Variants in CLASP1 observed in about 807,000 individuals in gnomAD.
CLASP1 encodes cytoplasmic linker associated protein 1, also known as CLIP-associating protein 1.
A neutral mutation model predicts 192.3 loss-of-function variants in CLASP1; 38 were observed. The ratio of observed to expected loss-of-function variants is 0.20; its 90% CI spans 0.15 to 0.26. The LOEUF (loss-of-function observed/expected upper bound fraction) is 0.26, where lower values mean the gene tolerates loss of function less well. Ranked by LOEUF, CLASP1 falls within the 10% of genes least tolerant of loss-of-function variation. CLASP1 has a pLI of 1.00. For synonymous variants in CLASP1, 691 were observed against 712.8 expected (o/e 0.97, Z 0.49); for missense variants, 1,433 against 1,932.5 (o/e 0.74, Z 4.85).
At chr2:121,352,507 T>C (rs745686789) in intron 37 of CLASP1, among the ~76,000 whole-genome samples, 31 of 152,234 alleles carry the variant, frequency 2.0e-4, no homozygotes, top group Admixed American at 5.9e-4. Context: ...TTCACTTTTT[T>C]ACCCCGACAA....
intron 16 of CLASP1, 74 bp downstream of exon 16, chr2:121,450,839 A>T: frequency 9.0e-7 from 1 of 1,105,676 alleles, no homozygotes; most frequent in Non-Finnish European, 1.3e-6. Context: ...TTAAGTTTTT[A>T]ATAAGGCAAT....
Position 121,425,133 on chromosome 2 carries a change from C to A in CLASP1, c.2212+6G>T. On this transcript the variant is annotated splice_donor_region_variant and intron_variant, in intron 22 of 39. Transcript: ENST00000263710. ...ATGGTATTCCAAGATCTTTGAGAAT[C>A]CTTACCTAATCCTATTCGGTTTGGA... 1 of 1,600,172 alleles carries A rather than the reference C, an allele frequency of 6.2e-7. No individual in the cohort carries two copies. Among genetic ancestry groups the A allele is most frequent in the South Asian group, 1.1e-5 (1 of 88,660 alleles).
intron 27 of CLASP1, 26 bp from the exon 29 acceptor site, chr2:121,401,698 T>C (rs751124523): frequency 4.4e-6 from 7 of 1,591,128 alleles, no homozygotes; most frequent in Non-Finnish European, 5.1e-6. Flanking sequence ...AACCAAGTAG[T>C]TCACATATTG....
At chr2:121,529,930 C>G (rs1296239739) in intron 3 of CLASP1, among the ~76,000 whole-genome samples, 1 of 152,154 alleles carries the variant, frequency 6.6e-6, no homozygotes, top group Non-Finnish European at 1.5e-5. Context: ...CATATTAGAA[C>G]ACGTATTACT....
intron 2 of CLASP1, among the ~76,000 whole-genome samples, chr2:121,595,840 C>A (rs1000736216): frequency 6.6e-6 from 1 of 152,172 alleles, no homozygotes; most frequent in Non-Finnish European, 1.5e-5. Flanking sequence ...AGTATTTGGT[C>A]CCATAATATA....
intron 1 of CLASP1, among the ~76,000 whole-genome samples, chr2:121,636,782 A>G (rs934647525): frequency 6.6e-6 from 1 of 152,228 alleles, no homozygotes; most frequent in Non-Finnish European, 1.5e-5. Context: ...CACACACAAA[A>G]AAGTCCTAAG....
chr2:121,437,852 G>C (rs1315706822), intron 19 of CLASP1, among the ~76,000 whole-genome samples: 3 of 152,156 alleles, frequency 2.0e-5, no homozygotes, highest in Non-Finnish European at 4.4e-5. Context: ...TGACATACCA[G>C]GGCTCCTGCC....
chr2:121,460,441 T>C (rs2087673846), intron 11 of CLASP1, among the ~76,000 whole-genome samples: 1 of 152,164 alleles, frequency 6.6e-6, no homozygotes. Flanking sequence ...TTAAAAACTT[T>C]TGGCTTGTGA....
At position 121,462,614 on chromosome 2, in the gene CLASP1, A is replaced by T; in HGVS notation, c.866-9T>A. On this transcript the variant is annotated splice_polypyrimidine_tract_variant and intron_variant, in intron 9 of 39. Transcript: ENST00000263710. ...AGCTCCTTCTTTTGCAGCTGTAAAA[A>T]AGAATTTTAAAAATGTAAACAATAT... The T allele has an allele frequency of 6.4e-7, 1 of 1,566,898 alleles. No individual in the cohort carries two copies. Among genetic ancestry groups the T allele is most frequent in the Non-Finnish European group, 8.8e-7 (1 of 1,142,746 alleles).
intron 22 of CLASP1, among the ~76,000 whole-genome samples, chr2:121,419,282 C>T (rs1021651101): frequency 6.6e-6 from 1 of 152,196 alleles, no homozygotes; most frequent in African/African-American, 2.4e-5. Flanking sequence ...AGAGTTGACA[C>T]AACCAGAGAG....
chr2:121,627,709 AG>A (rs1409937141), intron 1 of CLASP1, among the ~76,000 whole-genome samples: 1 of 152,224 alleles, frequency 6.6e-6, no homozygotes, highest in African/African-American at 2.4e-5. Context: ...AAACGTGCAG[AG>A]TCATGGACAG....
intron 2 of CLASP1, among the ~76,000 whole-genome samples, chr2:121,531,556 A>AC (rs1280982834): frequency 6.9e-6 from 1 of 145,888 alleles, no homozygotes; most frequent in Non-Finnish European, 1.5e-5. Flanking sequence ...AGATCGCGCC[A>AC]CTGCACTCCA....
chr2:121,503,193 G>C lies in CLASP1; in HGVS notation c.686C>G (p.Ser229Cys), dbSNP rs370412928. Residue 229 changes from serine (S) to cysteine (C), a missense_variant, in exon 8 of 40, where the codon TCT (serine) becomes TGT (cysteine). Physicochemically the swap from Ser to Cys is moderately radical, Grantham distance 112. This residue lies in a region of CLASP1 where 282 missense variants were observed against 359.9 expected (regional missense o/e 0.78). Coordinates refer to ENST00000263710, the Ensembl canonical transcript of CLASP1. ...ATTTGCAGATTGTATCATGTTTCCA[G>C]ATTTCTGGACTTCATCAAATTTTGT... 12 of 1,550,440 alleles carry C rather than the reference G, an allele frequency of 7.7e-6. No individual in the cohort carries two copies. In the African/African-American group the frequency reaches 1.4e-4, roughly 18 times the overall value.
intron 2 of CLASP1, among the ~76,000 whole-genome samples, chr2:121,568,938 C>G (rs2059743647): frequency 6.6e-6 from 1 of 152,016 alleles, no homozygotes; most frequent in Non-Finnish European, 1.5e-5. Flanking sequence ...TCTGGCTGTC[C>G]TGAGCTGGTG....
chr2:121,397,415 C>T (rs2075466387), intron 29 of CLASP1, 132 bp from the exon 31 acceptor site: 2 of 743,000 alleles, frequency 2.7e-6, no homozygotes, highest in Non-Finnish European at 4.3e-6. Context: ...CGATAGTTTC[C>T]ACGTGGAGCG....
intron 2 of CLASP1, chr2:121,531,038 T>G (rs2094822221): frequency 1.4e-6 from 1 of 699,410 alleles, no homozygotes; most frequent in South Asian, 1.5e-5. Context: ...ACTTATCAGT[T>G]CAAACAGCAG....
intron 13 of CLASP1, among the ~76,000 whole-genome samples, chr2:121,458,420 T>C (rs2087145741): frequency 6.6e-6 from 1 of 152,236 alleles, no homozygotes; most frequent in South Asian, 2.1e-4. Context: ...ACATTTTGTT[T>C]CGTGCTTATG....
At chr2:121,449,068 G>C in exon 17 of CLASP1, 2 of 1,613,886 alleles carry the variant, frequency 1.2e-6, no homozygotes. Context: ...TCCAAGGTGT[G>C]GTACAAGTGC....
intron 2 of CLASP1, among the ~76,000 whole-genome samples, chr2:121,571,255 A>C (rs13424662): frequency 0.2 from 30,764 of 151,788 alleles, 5,829 homozygotes; most frequent in African/African-American, 0.5. Context: ...GGCTCACCAC[A>C]ATCTCTGCCT....
Sources: gnomAD v4.1 joint callset for allele counts (sites outside exome capture counted in the v4.1 genomes callset) on GRCh38, gnomAD v4.1.1 for gene constraint, gnomAD v4.1.1 regional missense constraint, MANE v1.5 for transcripts, NCBI Gene and HGNC (gene_info 2026-07-23, HGNC 2026-07-21) for gene names.